MEGF11: variants seen among roughly 807,000 people sequenced by gnomAD.
The protein encoded by MEGF11 is multiple epidermal growth factor-like domains protein 11.
Under a neutral mutation model 146.6 loss-of-function variants are expected in MEGF11, and 126 were observed. The observed-to-expected ratio is 0.86, with a 90% CI of 0.74 to 1.00. MEGF11 has a LOEUF of 1.00. Ranked by LOEUF, MEGF11 falls within the 50% of genes least tolerant of loss-of-function variation. The pLI, the probability that MEGF11 is intolerant of heterozygous loss-of-function variation, is 0.00. For synonymous variants in MEGF11, 532 were observed against 583.4 expected (o/e 0.91, Z 1.27); for missense variants, 1,509 against 1,521.2 (o/e 0.99, Z 0.13).
chr15:65,925,217 A>G (rs961737495), intron 13 of MEGF11, among the ~76,000 whole-genome samples: 9 of 152,218 alleles, frequency 5.9e-5, no homozygotes, highest in African/African-American at 2.2e-4. Flanking sequence ...GTGGCTATTA[A>G]AAGTATAGCT....
rs1555450032 is a variant in MEGF11, at chr15:65,909,175, G to A, written c.2897-40C>T. 11 of 1,386,362 alleles carry A rather than the reference G, an allele frequency of 7.9e-6. No homozygotes were observed. In the South Asian group the frequency reaches 1.4e-4, roughly 17 times the overall value. The allele number at this position is 1,386,362 out of a possible 1,614,324, so 85.9% of individuals were successfully genotyped here. On this transcript the variant is annotated intron_variant, in intron 22 of 25. Transcript: ENST00000395614. ...GACAGGGAGGAGCCATTATTCCCAG[G>A]GCCCTGGTATAGCAGGGGAAGGGGG...
chr15:66,238,412 C>T (rs2092141315), intron 1 of MEGF11, among the ~76,000 whole-genome samples: 1 of 152,154 alleles, frequency 6.6e-6, no homozygotes, highest in East Asian at 1.9e-4. Flanking sequence ...GTTGTGTGCC[C>T]CTTTCAATGA....
chr15:65,996,422 T>C (rs886407133), intron 5 of MEGF11, among the ~76,000 whole-genome samples: 1 of 152,130 alleles, frequency 6.6e-6, no homozygotes, highest in African/African-American at 2.4e-5. Flanking sequence ...GCAATGAACT[T>C]GCCCTTTAAA....
At position 65,915,611 on chromosome 15, in the gene MEGF11, A is replaced by C; in HGVS notation, c.2345-13T>G. The C allele has an allele frequency of 6.2e-7, 1 of 1,613,408 alleles. No individual in the cohort carries two copies. Among genetic ancestry groups the C allele is most frequent in the Non-Finnish European group, 8.5e-7 (1 of 1,179,542 alleles). ...CCTGGGGCACATCCTGTGTGGCACA[A>C]AGAGTTAGGGTAGAGGACCCACTCA... On this transcript the variant is annotated splice_polypyrimidine_tract_variant and intron_variant, in intron 18 of 25. Transcript: ENST00000395614.
chr15:66,140,220 G>A (rs891858975), intron 1 of MEGF11, among the ~76,000 whole-genome samples: 2 of 152,170 alleles, frequency 1.3e-5, no homozygotes, highest in Admixed American at 6.5e-5. Flanking sequence ...GATAAATCCA[G>A]AGAAATTTGA....
In MEGF11 at chr15:66,190,933, G is replaced by A. The variant is rs1294144997; in HGVS notation, c.-8-62522C>T. On this transcript the variant is annotated intron_variant, in intron 1 of 25. Coordinates refer to ENST00000395614, the MANE Select transcript of MEGF11 (RefSeq NM_001385028.1). ...AATTAGCTTATTTATCGTCCCTCCT[G>A]CTGCAATTGTATTCCAACCTAACAT... 3.9e-5 allele frequency among the ~76,000 whole-genome samples: 6 copies of A among 152,168 alleles called. No individual in the cohort carries two copies. In the East Asian group the frequency reaches 1.2e-3, roughly 29 times the overall value.
At chr15:65,932,238 C>T (rs992326087) in intron 10 of MEGF11, among the ~76,000 whole-genome samples, 1 of 152,090 alleles carries the variant, frequency 6.6e-6, no homozygotes, top group Non-Finnish European at 1.5e-5. Context: ...TTTATGCCTC[C>T]ATCAATCACT....
At position 65,960,954 on chromosome 15, in the gene MEGF11, CT is replaced by C. The variant is rs76210418; in HGVS notation, c.1113-3234del. On this transcript the variant is annotated intron_variant, in intron 9 of 25. Transcript: ENST00000395614. ...CTCAAAACCAAATCTAAAATCATTCCTTTTTTTTTTTCATATCCCTACAATT... is the reference window on the plus strand; with the variant it reads ...CTCAAAACCAAATCTAAAATCATTCCTTTTTTTTTTCATATCCCTACAATT... Among the ~76,000 whole-genome samples, 379 of 147,336 alleles carry C rather than the reference CT, an allele frequency of 2.6e-3. 1 individual carries two copies. Among genetic ancestry groups the C allele is most frequent in the East Asian group, 4.7e-3 (24 of 5,060 alleles).
chr15:65,979,480 C>T (rs2081560474), intron 7 of MEGF11, among the ~76,000 whole-genome samples: 1 of 152,218 alleles, frequency 6.6e-6, no homozygotes, highest in African/African-American at 2.4e-5. Flanking sequence ...GCAGCCCTTT[C>T]CTCTCTGGCT....
intron 5 of MEGF11, among the ~76,000 whole-genome samples, chr15:65,983,365 G>T (rs2081731954): frequency 6.6e-6 from 1 of 152,172 alleles, no homozygotes; most frequent in Admixed American, 6.5e-5. Flanking sequence ...CCCCAGAGAG[G>T]TCACCAAGCC....
chr15:66,165,352 C>T (rs540340288), intron 1 of MEGF11, among the ~76,000 whole-genome samples: 2 of 152,248 alleles, frequency 1.3e-5, no homozygotes, highest in African/African-American at 4.8e-5. Context: ...GGAGAGAGTA[C>T]ACATGAAGTC....
At chr15:66,134,347 T>TAG (rs1477243497) in intron 1 of MEGF11, among the ~76,000 whole-genome samples, 2 of 152,134 alleles carry the variant, frequency 1.3e-5, no homozygotes, top group Non-Finnish European at 2.9e-5. Context: ...GGAGAAAACT[T>TAG]ATCTATGTTC....
At chr15:66,186,930 C>A (rs1228387024) in intron 1 of MEGF11, among the ~76,000 whole-genome samples, 2 of 152,178 alleles carry the variant, frequency 1.3e-5, no homozygotes, top group South Asian at 2.1e-4. Flanking sequence ...TGAAGTGAAT[C>A]CTATCTACAA....
intron 1 of MEGF11, among the ~76,000 whole-genome samples, chr15:66,128,631 C>G (rs71398249): frequency 0.04 from 6,148 of 152,242 alleles, 150 homozygotes; most frequent in Non-Finnish European, 0.051. Flanking sequence ...TTTTTTGACT[C>G]AGGGACTGCT....
At chr15:66,063,569 T>C (rs1384185826) in intron 5 of MEGF11, among the ~76,000 whole-genome samples, 1 of 152,200 alleles carries the variant, frequency 6.6e-6, no homozygotes. Context: ...GAGCACCTAC[T>C]GAGTGTGTGC....
At chr15:65,986,683 A>G (rs1283694923) in intron 5 of MEGF11, among the ~76,000 whole-genome samples, 1 of 152,092 alleles carries the variant, frequency 6.6e-6, no homozygotes, top group African/African-American at 2.4e-5. Context: ...TCTTTCACAG[A>G]GAATCGCAAA....
rs139245786 is a variant in MEGF11, at chr15:66,026,322, G to A, written c.395-43834C>T. Among the ~76,000 whole-genome samples, 812 of 152,244 alleles carry A rather than the reference G, an allele frequency of 5.3e-3. 11 individuals carry two copies. Among genetic ancestry groups the A allele is most frequent in the African/African-American group, 0.019 (781 of 41,536 alleles). ...AAGGTGGTGCTGATGCTGCAGGACC[G>A]GGGACCACACTTTGAGTAGCACTGC... On this transcript the variant is annotated intron_variant, in intron 5 of 25. Transcript: ENST00000395614.
rs373616738 is a variant in MEGF11 at position 66,089,235 on chromosome 15, G to C, written c.394+5167C>G. 3.4e-4 allele frequency among the ~76,000 whole-genome samples: 52 copies of C among 152,322 alleles called. No individual in the cohort carries two copies. The East Asian group carries it at 3.9e-3, about 11-fold the overall frequency. On this transcript the variant is annotated intron_variant, in intron 5 of 25. Coordinates refer to ENST00000395614, the MANE Select transcript of MEGF11 (RefSeq NM_001385028.1). Reference sequence around the variant, plus strand: ...GCTACAGCTGGTGATGGGCCAGCTTGGTTCCAGCTGCCTTCATCACTCAGG... The same window carrying C: ...GCTACAGCTGGTGATGGGCCAGCTTCGTTCCAGCTGCCTTCATCACTCAGG...
In MEGF11 at chr15:65,982,598, G is replaced by T. The variant is rs911284736; in HGVS notation, c.395-110C>A. The stretch of plus-strand genomic sequence containing the variant: ...TCCCATCTTTGCAGCGCTGCTCCCC[G>T]GACAGGTGGCAGCAAGGGGTGCCTG... On this transcript the variant is annotated intron_variant, in intron 5 of 25. Coordinates refer to ENST00000395614, the MANE Select transcript of MEGF11 (RefSeq NM_001385028.1). The surrounding 1 kb of genome is among the most constrained non-coding windows in gnomAD (Gnocchi z 5.6). 2 of 1,311,422 alleles carry T rather than the reference G, an allele frequency of 1.5e-6. No individual in the cohort carries two copies. Among genetic ancestry groups the T allele is most frequent in the Non-Finnish European group, 2.0e-6 (2 of 1,007,668 alleles). 81.2% of individuals were successfully genotyped at this position (1,311,422 alleles called of 1,614,324 possible). A position where few individuals can be genotyped will look rare whatever the true frequency, so the allele number is the denominator to read the frequency against.
Sources: gnomAD v4.1 joint callset for allele counts (sites outside exome capture counted in the v4.1 genomes callset) on GRCh38, gnomAD v4.1.1 for gene constraint, Gnocchi (gnomAD v3.1) non-coding constraint, MANE v1.5 for transcripts, NCBI Gene and HGNC (gene_info 2026-07-23, HGNC 2026-07-21) for gene names.